The following TMEM132D variants were observed in gnomAD, a reference collection of about 807,000 sequenced individuals.
TMEM132D encodes the protein transmembrane protein 132D.
A neutral mutation model predicts 62.3 loss-of-function variants in TMEM132D; 21 were observed. That is an observed-to-expected ratio of 0.34 (90% CI 0.24 to 0.49). TMEM132D has a LOEUF of 0.49. Among genes scored for constraint, TMEM132D ranks in the 20% least tolerant of loss-of-function variants. The pLI is 0.99. For missense variants in TMEM132D, 1,346 were observed against 1,402.8 expected (o/e 0.96, Z 0.65); for synonymous variants, 621 against 575.6 (o/e 1.08, Z -1.13).
At chr12:129,706,707 C>T (rs1881514922) in intron 1 of TMEM132D, among the ~76,000 whole-genome samples, 1 of 151,722 alleles carries the variant, frequency 6.6e-6, no homozygotes, top group Non-Finnish European at 1.5e-5. Context: ...TATAAGGCTA[C>T]AAGGAGACAA....
chr12:129,637,677 G>T (rs941172935), intron 2 of TMEM132D, among the ~76,000 whole-genome samples: 1 of 152,092 alleles, frequency 6.6e-6, no homozygotes, highest in African/African-American at 2.4e-5. Context: ...GAAGTTTAAT[G>T]GCCTCATGGT....
intron 2 of TMEM132D, among the ~76,000 whole-genome samples, chr12:129,550,688 T>C (rs1342361645): frequency 6.6e-6 from 1 of 152,206 alleles, no homozygotes; most frequent in Non-Finnish European, 1.5e-5. Context: ...AGACAGACAC[T>C]TTGATAAACA....
chr12:129,741,006 C>T (rs1488079278), intron 1 of TMEM132D, among the ~76,000 whole-genome samples: 1 of 152,160 alleles, frequency 6.6e-6, no homozygotes, highest in Non-Finnish European at 1.5e-5. Flanking sequence ...TTATGGAGAG[C>T]TTTGGGGAAA....
intron 2 of TMEM132D, among the ~76,000 whole-genome samples, chr12:129,674,584 G>C (rs1880583744): frequency 6.6e-6 from 1 of 152,042 alleles, no homozygotes; most frequent in Non-Finnish European, 1.5e-5. Context: ...CAGTCACCTG[G>C]GCTGAAGTGC....
chr12:129,864,059 T>C (rs1398613001), intron 1 of TMEM132D, among the ~76,000 whole-genome samples: 2 of 152,202 alleles, frequency 1.3e-5, no homozygotes, highest in African/African-American at 4.8e-5. Context: ...GTAGCTGAGA[T>C]GACAGAATGT....
intron 5 of TMEM132D, among the ~76,000 whole-genome samples, chr12:129,191,063 C>T (rs1411489154): frequency 1.3e-5 from 2 of 152,134 alleles, no homozygotes; most frequent in African/African-American, 4.8e-5. Flanking sequence ...TGATCTCTGA[C>T]TCCTCAGACC....
Position 129,827,845 on chromosome 12 carries a change from A to G in TMEM132D, c.79+75416T>C, listed in dbSNP as rs1369808915. Among the ~76,000 whole-genome samples the G allele has an allele frequency of 6.6e-6, 1 of 152,240 alleles. No individual in the cohort carries two copies. Among genetic ancestry groups the G allele is most frequent in the East Asian group, 1.9e-4 (1 of 5,200 alleles). On this transcript the variant is annotated intron_variant, in intron 1 of 8. Coordinates refer to ENST00000422113, the MANE Select transcript of TMEM132D (RefSeq NM_133448.3). The surrounding 1 kb of genome is among the most constrained non-coding windows in gnomAD (Gnocchi z 9.7). ...ACTGAGAAAGCACAGCCATTAAAAA[A>G]TAAAATATGTATAAGCTGCCTGCTA...
Position 129,081,768 on chromosome 12 carries a change from G to A in TMEM132D, c.1914C>T (p.Thr638=), listed in dbSNP as rs1219508206. 1.3e-6 allele frequency: 2 copies of A among 1,585,930 alleles called. No homozygotes were observed. The highest frequency in any genetic ancestry group is 1.4e-5 in the African/African-American group (1 of 72,794). The part of the protein sequence containing the change: ...QILMGQELGM[T]TIQILSPLSD... ...TTTTTTTTTTTTTTACCTGAATGGT[G>A]GTCATCCCAAGCTCCTGCCCCATCA... The change falls in exon 7 of 9, where the codon ACC becomes ACT. Residue 638 remains threonine (T), a synonymous_variant. Transcript: ENST00000422113.
rs770476602 is a variant in TMEM132D at position 129,695,844 on chromosome 12, G to A, written c.968+3966C>T. Among the ~76,000 whole-genome samples, 63 of 152,314 alleles carry A rather than the reference G, an allele frequency of 4.1e-4. 1 individual carries two copies. The highest frequency in any genetic ancestry group is 1.2e-3 in the African/African-American group (48 of 41,570). Reference sequence around the variant, plus strand: ...TGCTGAGAGGCTGCTGTGTCCACACGCAGCCACCAACCTCCATCAGAATCT... The same window carrying A: ...TGCTGAGAGGCTGCTGTGTCCACACACAGCCACCAACCTCCATCAGAATCT... On this transcript the variant is annotated intron_variant, in intron 2 of 8. Transcript: ENST00000422113.
chr12:129,470,033 A>C (rs553797069), intron 3 of TMEM132D, among the ~76,000 whole-genome samples: 147 of 152,302 alleles, frequency 9.7e-4, no homozygotes, highest in African/African-American at 3.2e-3. Flanking sequence ...CGGCCTGTGT[A>C]CAGTATGTGA....
chr12:129,103,884 A>T (rs935157399), intron 5 of TMEM132D, among the ~76,000 whole-genome samples: 1 of 152,228 alleles, frequency 6.6e-6, no homozygotes, highest in African/African-American at 2.4e-5. Context: ...GCTCAAGGAA[A>T]TAAAAGAGGA....
intron 2 of TMEM132D, among the ~76,000 whole-genome samples, chr12:129,693,234 A>G (rs1230018738): frequency 1.3e-5 from 2 of 152,178 alleles, no homozygotes; most frequent in African/African-American, 4.8e-5. Context: ...GAGCCAAATG[A>G]AAGAGCTCTC....
intron 4 of TMEM132D, among the ~76,000 whole-genome samples, chr12:129,268,542 C>T (rs1274924019): frequency 6.6e-6 from 1 of 152,108 alleles, no homozygotes; most frequent in African/African-American, 2.4e-5. Context: ...ACAACAGGTG[C>T]TGGAGAGGAT....
At chr12:129,393,032 T>C (rs1240285984) in intron 3 of TMEM132D, among the ~76,000 whole-genome samples, 1 of 152,082 alleles carries the variant, frequency 6.6e-6, no homozygotes, top group African/African-American at 2.4e-5. Context: ...ACGAACAGAC[T>C]TTTTTTTCCC....
chr12:129,247,759 G>A (rs958516844), intron 4 of TMEM132D, among the ~76,000 whole-genome samples: 7 of 152,214 alleles, frequency 4.6e-5, no homozygotes, highest in Non-Finnish European at 8.8e-5. Flanking sequence ...TCCAGGTGAG[G>A]AGGTGGCTGG....
intron 1 of TMEM132D, among the ~76,000 whole-genome samples, chr12:129,900,741 C>G (rs777247734): frequency 6.6e-6 from 1 of 152,144 alleles, no homozygotes; most frequent in Non-Finnish European, 1.5e-5. Context: ...CATCTGCAGG[C>G]TAGCACCATT....
chr12:129,341,135 C>T (rs961293742), intron 3 of TMEM132D, among the ~76,000 whole-genome samples: 7 of 152,174 alleles, frequency 4.6e-5, no homozygotes, highest in African/African-American at 1.7e-4. Flanking sequence ...GCGTAGTAGG[C>T]AATATTTATC....
At chr12:129,640,127 A>G (rs1879604517) in intron 2 of TMEM132D, among the ~76,000 whole-genome samples, 1 of 151,978 alleles carries the variant, frequency 6.6e-6, no homozygotes, top group African/African-American at 2.4e-5. Flanking sequence ...CTTTAAGGTC[A>G]CTCGCCTATT....
At chr12:129,806,675 C>G (rs1871993945) in intron 1 of TMEM132D, among the ~76,000 whole-genome samples, 1 of 150,760 alleles carries the variant, frequency 6.6e-6, no homozygotes, top group Non-Finnish European at 1.5e-5. Flanking sequence ...CACATGTACC[C>G]TAAAACTTAA....
Sources: gnomAD v4.1 joint callset for allele counts (sites outside exome capture counted in the v4.1 genomes callset) on GRCh38, gnomAD v4.1.1 for gene constraint, Gnocchi (gnomAD v3.1) non-coding constraint, MANE v1.5 for transcripts, NCBI Gene and HGNC (gene_info 2026-07-23, HGNC 2026-07-21) for gene names.